TET2: variants seen among roughly 807,000 people sequenced by gnomAD.
The protein encoded by TET2 is tet methylcytosine dioxygenase 2.
A neutral mutation model predicts 142.9 loss-of-function variants in TET2; 299 were observed. That is an observed-to-expected ratio of 2.09 (90% CI 1.90 to 2.30). The LOEUF (loss-of-function observed/expected upper bound fraction) is 2.30, where lower values mean the gene tolerates loss of function less well. Among genes scored for constraint, TET2 ranks in the 30% most tolerant of loss-of-function variants. The pLI is 0.00. For missense variants in TET2, 2,418 were observed against 2,378.0 expected, an observed-to-expected ratio of 1.02 and a Z score of -0.35; for synonymous variants, 819 against 849.0, an observed-to-expected ratio of 0.96 and a Z score of 0.61.
chr4:105,161,084 G>A (rs1047821421), intron 1 of TET2, among the ~76,000 whole-genome samples: 1 of 152,078 alleles, frequency 6.6e-6, no homozygotes, highest in African/African-American at 2.4e-5. Flanking sequence ...TGGTATAAGA[G>A]AACTTTATAT....
chr4:105,212,690 T>TA (rs1409960551), intron 2 of TET2, among the ~76,000 whole-genome samples: 4 of 152,138 alleles, frequency 2.6e-5, no homozygotes, highest in Non-Finnish European at 4.4e-5. Flanking sequence ...TTTTCATGAT[T>TA]AAAAAATATT....
intron 3 of TET2, chr4:105,239,955 CAGGGAG>C (rs769181959): frequency 4.1e-5 from 10 of 242,058 alleles, no homozygotes; most frequent in Non-Finnish European, 8.7e-5. Context: ...TAGAGAGGCC[CAGGGAG>C]AGGGAGAGAG....
intron 2 of TET2, among the ~76,000 whole-genome samples, chr4:105,201,372 A>G (rs542326223): frequency 6.6e-5 from 10 of 152,320 alleles, no homozygotes; most frequent in African/African-American, 2.4e-4. Flanking sequence ...TGTTTCCTAA[A>G]AAGTTTAAGG....
intron 2 of TET2, among the ~76,000 whole-genome samples, chr4:105,226,077 CT>C (rs34407189): frequency 6.6e-6 from 1 of 152,014 alleles, no homozygotes; most frequent in East Asian, 1.9e-4. Flanking sequence ...AGCCAAAATA[CT>C]TGTTTTTTAA....
At position 105,173,920 on chromosome 4, in the gene TET2, G is replaced by A. The variant is rs759397519; in HGVS notation, c.-192-16440G>A. Among the ~76,000 whole-genome samples, 5 of 152,130 alleles carry A rather than the reference G, an allele frequency of 3.3e-5. No homozygotes were observed. In the South Asian group the frequency reaches 6.2e-4, roughly 19 times the overall value. ...AAAATATTGACTTAGGTAGATATAT[G>A]TGAGGAAATATATATTTTACCCATG... On this transcript the variant is annotated intron_variant, in intron 1 of 10. Coordinates refer to ENST00000380013, the MANE Select transcript of TET2 (RefSeq NM_001127208.3).
chr4:105,185,568 C>G (rs111333099), intron 1 of TET2, among the ~76,000 whole-genome samples: 2,100 of 151,936 alleles, frequency 0.014, 31 homozygotes, highest in Middle Eastern at 0.058. Flanking sequence ...ATCACGAGGT[C>G]AGGAGATCGA....
intron 4 of TET2, 127 bp downstream of exon 4, chr4:105,241,556 T>C (rs1265560078): frequency 4.8e-6 from 7 of 1,450,342 alleles, no homozygotes; most frequent in Non-Finnish European, 6.4e-6. Flanking sequence ...GCTTAGCTAT[T>C]CTAGGGTTGC....
intron 1 of TET2, 65 bp from the exon 2 acceptor site, chr4:105,190,295 T>C: frequency 1.8e-6 from 1 of 557,128 alleles, no homozygotes; most frequent in South Asian, 2.4e-5. Flanking sequence ...AAACTCTTTA[T>C]ATCAGGTGTA....
intron 2 of TET2, among the ~76,000 whole-genome samples, chr4:105,202,078 C>T (rs1289812310): frequency 2.6e-5 from 4 of 152,050 alleles, no homozygotes; most frequent in African/African-American, 7.2e-5. Context: ...TTCTGTCTTC[C>T]AGGTTTTTAT....
At chr4:105,172,697 C>A (rs897369529) in intron 1 of TET2, 1 of 152,106 alleles carries the variant, frequency 6.6e-6, no homozygotes, top group South Asian at 2.1e-4. Context: ...AGAAACATTT[C>A]AGAACTATGA....
intron 1 of TET2, among the ~76,000 whole-genome samples, chr4:105,165,561 A>G (rs554979589): frequency 6.6e-6 from 1 of 152,276 alleles, no homozygotes; most frequent in Admixed American, 6.5e-5. Flanking sequence ...CTTTCATTGA[A>G]ATTGAAGTTT....
chr4:105,257,490 C>T (rs1341474152), intron 6 of TET2, among the ~76,000 whole-genome samples: 1 of 152,050 alleles, frequency 6.6e-6, no homozygotes, highest in Non-Finnish European at 1.5e-5. Flanking sequence ...TGCCTGAGAT[C>T]AATAAGTCAG....
chr4:105,228,721 C>A (rs1728325050), intron 2 of TET2, among the ~76,000 whole-genome samples: 1 of 151,926 alleles, frequency 6.6e-6, no homozygotes, highest in Non-Finnish European at 1.5e-5. Flanking sequence ...AGAAAAGTGC[C>A]TTTTTTTGGT....
Position 105,234,575 on chromosome 4 carries a change from T to C in TET2, c.633T>C (p.Ala211=). Residue 211 remains alanine (A), a synonymous_variant, in exon 3 of 11, where the codon GCT becomes GCC. Coordinates refer to ENST00000380013, the MANE Select transcript of TET2 (RefSeq NM_001127208.3). ...AGGCAGTGCTAATGCCTAATGGTGC[T>C]ACAGTTTCTGCCTCTTCCGTGGAAC... ...KNKAVLMPNG[A]TVSASSVEHT... is the part of the protein sequence containing the mutation. 1 of 1,614,168 alleles carries C rather than the reference T, an allele frequency of 6.2e-7. No homozygotes were observed. The highest frequency in any genetic ancestry group is 8.5e-7 in the Non-Finnish European group (1 of 1,180,022).
In TET2 at chr4:105,236,214, C is replaced by G. The variant is rs746152042; in HGVS notation, c.2272C>G (p.Gln758Glu). ...AATAAAGAATAAAGAGGAAATACTC[C>G]AGACTTTTCCTCACCCCCAAAGCAA... ...LQIKNKEEIL[Q>E]TFPHPQSNND... is the part of the protein sequence containing the mutation. Residue 758 changes from glutamine to glutamate, a missense_variant, in exon 3 of 11, where the codon CAG becomes GAG. Coordinates refer to ENST00000380013, the MANE Select transcript of TET2 (RefSeq NM_001127208.3). The G allele has an allele frequency of 6.2e-7, 1 of 1,614,066 alleles. No homozygotes were observed. Among genetic ancestry groups the G allele is most frequent in the Admixed American group, 1.7e-5 (1 of 59,990 alleles).
At chr4:105,147,371 GT>G (rs1553940408) in intron 1 of TET2, 7 of 152,156 alleles carry the variant, frequency 4.6e-5, no homozygotes, top group Non-Finnish European at 1.5e-5. Flanking sequence ...CTCTTCCCCT[GT>G]TTCTTTCGTG....
chr4:105,219,883 A>G lies in TET2; in HGVS notation c.-46-14014A>G, dbSNP rs1203574126. The stretch of plus-strand genomic sequence containing the variant: ...CTCTTGATTCCTCGTTAGCTGCCCT[A>G]TTATTTCTTTGTTTTTCCCTTAGCA... On this transcript the variant is annotated intron_variant, in intron 2 of 10. Transcript: ENST00000380013. Among the ~76,000 whole-genome samples, 4 of 152,198 alleles carry G rather than the reference A, an allele frequency of 2.6e-5. No homozygotes were observed. The East Asian group carries it at 7.7e-4, about 29-fold the overall frequency.
chr4:105,274,290 G>T (rs1218875277), intron 10 of TET2, among the ~76,000 whole-genome samples: 2 of 152,198 alleles, frequency 1.3e-5, no homozygotes, highest in Non-Finnish European at 2.9e-5. Context: ...GGTCAAAACA[G>T]AAGTATGACT....
intron 2 of TET2, among the ~76,000 whole-genome samples, chr4:105,231,493 T>C (rs1202435557): frequency 1.3e-5 from 2 of 152,178 alleles, no homozygotes; most frequent in Admixed American, 1.3e-4. Flanking sequence ...TTGATGCTCT[T>C]ATAAATCAAG....
Sources: allele counts gnomAD v4.1 joint callset (sites outside exome capture counted in the v4.1 genomes callset), GRCh38; gene constraint gnomAD v4.1.1; transcripts MANE v1.5; gene names NCBI Gene and HGNC (gene_info 2026-07-23, HGNC 2026-07-21).